Variants in XPO4 observed in about 807,000 individuals in gnomAD.
The protein encoded by XPO4 is exportin 4, also known as exportin-4.
Under a neutral mutation model 143.0 loss-of-function variants are expected in XPO4, and 39 were observed. That is an observed-to-expected ratio of 0.27 (90% CI 0.21 to 0.36). XPO4 has a LOEUF of 0.36. XPO4 is among the 10% of genes least tolerant of loss of function. The probability of loss-of-function intolerance (pLI) is 1.00; values close to 1 mark genes in which losing one functional copy is unlikely to be tolerated. For synonymous variants in XPO4, 439 were observed against 474.0 expected (o/e 0.93, Z 0.96); for missense variants, 907 against 1,348.0 (o/e 0.67, Z 5.12).
At chr13:20,801,628 ATG>A (rs887894469) in intron 13 of XPO4, among the ~76,000 whole-genome samples, 6 of 152,222 alleles carry the variant, frequency 3.9e-5, no homozygotes, top group Non-Finnish European at 7.3e-5. Context: ...ATAGCGTGAC[ATG>A]CAGACAAACA....
In XPO4 at chr13:20,800,837, A is replaced by G. The variant is rs775569171; in HGVS notation, c.1971T>C (p.Tyr657=). 1.9e-6 allele frequency: 3 copies of G among 1,613,712 alleles called. No individual in the cohort carries two copies. Among genetic ancestry groups the G allele is most frequent in the Non-Finnish European group, 2.5e-6 (3 of 1,179,884 alleles). The change falls in exon 14 of 23, where the codon TAT becomes TAC. Residue 657 remains tyrosine (Y), a synonymous_variant. Transcript: ENST00000255305. ...TTAAGTTTTACATTCTGACCTGATC[A>G]TACAGTTTTTCATCCACCAGGAGAT... The part of the protein sequence containing the change: ...KTYLLVDEKL[Y]DQISLPFSTA...
chr13:20,819,520 C>A (rs535885675), intron 9 of XPO4, among the ~76,000 whole-genome samples: 1 of 152,002 alleles, frequency 6.6e-6, no homozygotes, highest in African/African-American at 2.4e-5. Context: ...ATTAGCCGGG[C>A]GTGATGGCGC....
chr13:20,859,956 G>A, intron 3 of XPO4: 1 of 572,252 alleles, frequency 1.7e-6, no homozygotes, highest in Non-Finnish European at 2.2e-6. Flanking sequence ...GGGGAGAAAA[G>A]GCTATGACAA....
At chr13:20,878,340 T>A (rs1450583714) in intron 1 of XPO4, among the ~76,000 whole-genome samples, 1 of 152,158 alleles carries the variant, frequency 6.6e-6, no homozygotes, top group Non-Finnish European at 1.5e-5. Context: ...TAGACATTTA[T>A]TCCCCAGAGA....
chr13:20,865,257 G>A (rs1382562624), intron 2 of XPO4, among the ~76,000 whole-genome samples: 2 of 151,804 alleles, frequency 1.3e-5, no homozygotes, highest in African/African-American at 4.8e-5. Flanking sequence ...TCCTGCCTCA[G>A]CCTCCCGAGT....
intron 2 of XPO4, chr13:20,865,309 G>C (rs1269015864): frequency 1.9e-5 from 4 of 215,400 alleles, no homozygotes; most frequent in Admixed American, 6.5e-5. Context: ...GGCTAATTTT[G>C]TATTTTTAGT....
At chr13:20,877,260 T>G (rs565066250) in intron 1 of XPO4, among the ~76,000 whole-genome samples, 10 of 152,342 alleles carry the variant, frequency 6.6e-5, no homozygotes, top group African/African-American at 2.4e-4. Flanking sequence ...AACTATGCCT[T>G]CACTCTTCTC....
intron 13 of XPO4, 63 bp downstream of exon 13, chr13:20,807,394 T>A: frequency 6.7e-7 from 1 of 1,500,746 alleles, no homozygotes; most frequent in Non-Finnish European, 9.0e-7. Flanking sequence ...CATCTACCCA[T>A]CAACTCAGAA....
intron 9 of XPO4, among the ~76,000 whole-genome samples, chr13:20,820,141 G>A (rs1271065137): frequency 1.3e-5 from 2 of 152,200 alleles, no homozygotes; most frequent in African/African-American, 4.8e-5. Flanking sequence ...TACTTTTCTT[G>A]AATGAAACCT....
chr13:20,834,041 G>A (rs2059885835), intron 6 of XPO4, among the ~76,000 whole-genome samples: 2 of 152,128 alleles, frequency 1.3e-5, no homozygotes, highest in African/African-American at 4.8e-5. Context: ...AGAGTAACAT[G>A]GGGCTACAAA....
At chr13:20,871,212 A>C (rs2060294462) in intron 1 of XPO4, among the ~76,000 whole-genome samples, 1 of 151,568 alleles carries the variant, frequency 6.6e-6, no homozygotes, top group Non-Finnish European at 1.5e-5. Context: ...ACGGAATCTC[A>C]CTCTGTTGCC....
intron 6 of XPO4, among the ~76,000 whole-genome samples, chr13:20,840,926 C>T (rs2059967457): frequency 6.6e-6 from 1 of 151,222 alleles, no homozygotes; most frequent in African/African-American, 2.4e-5. Flanking sequence ...CCTTTGGCAA[C>T]ACTGCAGTAT....
chr13:20,785,307 G>A (rs1410502579), intron 22 of XPO4, among the ~76,000 whole-genome samples: 1 of 152,142 alleles, frequency 6.6e-6, no homozygotes, highest in Non-Finnish European at 1.5e-5. Context: ...TCCCCTAATT[G>A]CCTTATCAAA....
At chr13:20,819,020 G>C (rs1290825811) in intron 9 of XPO4, among the ~76,000 whole-genome samples, 1 of 152,026 alleles carries the variant, frequency 6.6e-6, no homozygotes, top group African/African-American at 2.4e-5. Flanking sequence ...AAGGGGTTTT[G>C]CCATGTTTGG....
At position 20,822,212 on chromosome 13, in the gene XPO4, A is replaced by G; in HGVS notation, c.918T>C (p.His306=). The G allele has an allele frequency of 6.2e-7, 1 of 1,614,084 alleles. No individual in the cohort carries two copies. The highest frequency in any genetic ancestry group is 8.5e-7 in the Non-Finnish European group (1 of 1,179,942). Reference sequence around the variant, plus strand: ...ATCCTTCATCTGGGAAGATGGGTCCATGAAGAGAAGCTAACTGGGCAAGGC... The same window carrying G: ...ATCCTTCATCTGGGAAGATGGGTCCGTGAAGAGAAGCTAACTGGGCAAGGC... ...LQCLAQLASL[H]GPIFPDEGSQ... Residue 306 remains histidine (H), a synonymous_variant, in exon 8 of 23, where the codon CAT becomes CAC. Transcript: ENST00000255305.
chr13:20,800,605 A>C (rs1220707459), intron 14 of XPO4, among the ~76,000 whole-genome samples: 2 of 152,228 alleles, frequency 1.3e-5, no homozygotes, highest in Non-Finnish European at 2.9e-5. Flanking sequence ...CTATTCCCAA[A>C]TAATAATCTG....
intron 3 of XPO4, among the ~76,000 whole-genome samples, chr13:20,860,084 C>G (rs567124523): frequency 1.3e-5 from 2 of 152,258 alleles, no homozygotes; most frequent in African/African-American, 4.8e-5. Context: ...AGCTTTTACT[C>G]CCCACCAGGC....
intron 1 of XPO4, among the ~76,000 whole-genome samples, chr13:20,875,107 CCAACCAAAAA>C (rs1236833739): frequency 6.6e-6 from 1 of 152,056 alleles, no homozygotes; most frequent in Non-Finnish European, 1.5e-5. Flanking sequence ...GATAGATGTA[CCAACCAAAAA>C]CATAAATACT....
chr13:20,826,605 T>C (rs1447885016), intron 7 of XPO4, among the ~76,000 whole-genome samples: 3 of 152,234 alleles, frequency 2.0e-5, no homozygotes, highest in Non-Finnish European at 4.4e-5. Context: ...TATTATAGAT[T>C]TACAAAAATG....
Sources: gnomAD v4.1 joint callset for allele counts (sites outside exome capture counted in the v4.1 genomes callset) on GRCh38, gnomAD v4.1.1 for gene constraint, MANE v1.5 for transcripts, NCBI Gene and HGNC (gene_info 2026-07-23, HGNC 2026-07-21) for gene names.